The following DMPK variants were observed in gnomAD, a reference collection of about 807,000 sequenced individuals.
The protein encoded by DMPK is myotonin-protein kinase.
Under a neutral mutation model 70.3 loss-of-function variants are expected in DMPK, and 32 were observed. The observed-to-expected ratio is 0.46, with a 90% CI of 0.34 to 0.61. The LOEUF is 0.61. Ranked by LOEUF, DMPK falls within the 20% of genes least tolerant of loss-of-function variation. The pLI is 0.01. For missense variants in DMPK, 899 were observed against 886.0 expected (o/e 1.01, Z -0.19); for synonymous variants, 469 against 390.9 (o/e 1.20, Z -2.36).
chr19:45,779,247 C>A lies in DMPK; in HGVS notation c.432+17G>T, dbSNP rs753636314. On this transcript the variant is annotated intron_variant, in intron 4 of 14. Coordinates refer to ENST00000291270, the MANE Select transcript of DMPK (RefSeq NM_004409.5). The stretch of plus-strand genomic sequence containing the variant: ...GGCTCTTGTCCCTCTTCCTAGTCAC[C>A]CCGGCCCGGAGCTCACCAGGTAGTT... 1.9e-6 allele frequency: 3 copies of A among 1,612,962 alleles called. No homozygotes were observed. In the African/African-American group the frequency reaches 4.0e-5, roughly 22 times the overall value.
At chr19:45,773,165 AC>A (rs1255688564) in intron 9 of DMPK, among the ~76,000 whole-genome samples, 1 of 152,074 alleles carries the variant, frequency 6.6e-6, no homozygotes, top group East Asian at 1.9e-4. Context: ...TGGGCATGGG[AC>A]CCCAAGATGG....
In DMPK at chr19:45,770,236, AGCAGCAGCAGCAGCAGCAG is replaced by A; in HGVS notation, c.*233_*251del. The A allele has an allele frequency of 2.2e-6, 1 of 455,308 alleles. No individual in the cohort carries two copies. Among genetic ancestry groups the A allele is most frequent in the Non-Finnish European group, 3.5e-6 (1 of 284,434 alleles). The allele number at this position is 455,308 out of a possible 1,614,324, so 28.2% of individuals were successfully genotyped here. On this transcript the variant is annotated 3_prime_UTR_variant, in exon 15 of 15. Transcript: ENST00000291270. ...CAGCAGCAGCAGCAGCAGCAGCAGC[AGCAGCAGCAGCAGCAGCAG>A]CAGCAGCAGCATTCCCGGCTACAAG...
intron 1 of DMPK, chr19:45,780,703 G>C: frequency 1.0e-4 from 63 of 629,492 alleles, no homozygotes; most frequent in South Asian, 1.9e-4. Flanking sequence ...GGAAGGAGAG[G>C]AGACAGTGGG....
chr19:45,770,069 C>G lies in DMPK; in HGVS notation c.*419G>C, dbSNP rs561112980. The G allele has an allele frequency of 3.9e-5, 19 of 493,346 alleles. 3 individuals are homozygous for G. The highest frequency in any genetic ancestry group is 7.2e-5 in the Non-Finnish European group (19 of 265,030). 30.6% of individuals were successfully genotyped at this position (493,346 alleles called of 1,614,324 possible). A position where few individuals can be genotyped will look rare whatever the true frequency, so the allele number is the denominator to read the frequency against. On this transcript the variant is annotated 3_prime_UTR_variant, in exon 15 of 15. Coordinates refer to ENST00000291270, the MANE Select transcript of DMPK (RefSeq NM_004409.5). ...ATGCACAAGAAAGCTTTGCACTTTG[C>G]GAACCAACGATAGGTGGGGGTGCGT...
At chr19:45,781,075 C>T (rs1421823621) in intron 1 of DMPK, among the ~76,000 whole-genome samples, 1 of 152,070 alleles carries the variant, frequency 6.6e-6, no homozygotes, top group Non-Finnish European at 1.5e-5. Context: ...CCTTCTTGGC[C>T]TCCACCTTCC....
intron 4 of DMPK, chr19:45,778,972 C>T (rs539758310): frequency 6.9e-6 from 4 of 577,086 alleles, no homozygotes; most frequent in South Asian, 6.4e-5. Flanking sequence ...GCAGTGGCCC[C>T]GTTAGAATTC....
Position 45,769,781 on chromosome 19 carries a change from C to T in DMPK, c.*707G>A, listed in dbSNP as rs538586414. On this transcript the variant is annotated 3_prime_UTR_variant, in exon 15 of 15. Coordinates refer to ENST00000291270, the MANE Select transcript of DMPK (RefSeq NM_004409.5). ...GGTGGGGGTCCTAGGTGGGGACAGA[C>T]AATAAATACCGAGGAATGTCGGGGT... The T allele has an allele frequency of 4.5e-4, 91 of 200,442 alleles. 1 individual carries two copies. The South Asian group carries it at 7.0e-3, about 15-fold the overall frequency. 12.4% of individuals were successfully genotyped at this position (200,442 alleles called of 1,614,324 possible). A position where few individuals can be genotyped will look rare whatever the true frequency, so the allele number is the denominator to read the frequency against.
In DMPK at chr19:45,777,815, G is replaced by T; in HGVS notation, c.734C>A (p.Ala245Asp). The T allele has an allele frequency of 6.2e-7, 1 of 1,612,566 alleles. No individual in the cohort carries two copies. Among genetic ancestry groups the T allele is most frequent in the Middle Eastern group, 1.6e-4 (1 of 6,062 alleles). Residue 245 changes from alanine (A) to aspartate (D), a missense_variant, in exon 7 of 15, where the codon GCT becomes GAT. Around this residue, in one of 3 missense-constraint regions of DMPK, gnomAD observed 195 missense variants for 259.7 expected, o/e 0.75. Transcript: ENST00000291270. This position sits in a 1 kb window ranked among gnomAD's most constrained non-coding sequence, Gnocchi z 6.7. ...GCCTGTCCCAGGCCCACCGCCCACAGCCTGCAGGATCTCGGGGGACAGGTA... is the reference window on the plus strand; with the variant it reads ...GCCTGTCCCAGGCCCACCGCCCACATCCTGCAGGATCTCGGGGGACAGGTA... Reference protein sequence around the residue: ...PDYLSPEILQAVGGGPGTGSY... With the variant: ...PDYLSPEILQDVGGGPGTGSY...
At position 45,779,528 on chromosome 19, in the gene DMPK, G is replaced by A. The variant is rs551017682; in HGVS notation, c.253-6C>T. ...TTCATCTTCACTACCGCTACCTGAG[G>A]TCGAGATAGTGAGACAGAGTGGAGA... On this transcript the variant is annotated splice_polypyrimidine_tract_variant and splice_region_variant and intron_variant, in intron 2 of 14. Coordinates refer to ENST00000291270, the MANE Select transcript of DMPK (RefSeq NM_004409.5). 13 of 1,613,824 alleles carry A rather than the reference G, an allele frequency of 8.1e-6. No homozygotes were observed. Among genetic ancestry groups the A allele is most frequent in the African/African-American group, 2.7e-5 (2 of 75,004 alleles).
At chr19:45,773,972 T>TTC (rs1568576857) in intron 9 of DMPK, among the ~76,000 whole-genome samples, 1 of 148,610 alleles carries the variant, frequency 6.7e-6, no homozygotes, top group Non-Finnish European at 1.5e-5. Flanking sequence ...TTTTTTTTTT[T>TTC]TGAGATGAAG....
Position 45,769,957 on chromosome 19 carries a change from G to GC in DMPK, c.*530_*531insG. 1 of 309,716 alleles carries GC rather than the reference G, an allele frequency of 3.2e-6. No homozygotes were observed. Among genetic ancestry groups the GC allele is most frequent in the Non-Finnish European group, 6.2e-6 (1 of 160,946 alleles). 19.2% of individuals were successfully genotyped at this position (309,716 alleles called of 1,614,324 possible). A position where few individuals can be genotyped will look rare whatever the true frequency, so the allele number is the denominator to read the frequency against. On this transcript the variant is annotated 3_prime_UTR_variant, in exon 15 of 15. Transcript: ENST00000291270. ...AGCGCAAGTGAGGAGGGGGGCGCGG[G>GC]ATCCCCGAAAAAGCGGGTTTGGCAA...
Position 45,777,304 on chromosome 19 carries a change from G to T in DMPK, c.1146+23C>A. On this transcript the variant is annotated intron_variant, in intron 8 of 14. Coordinates refer to ENST00000291270, the MANE Select transcript of DMPK (RefSeq NM_004409.5). The surrounding 1 kb of genome is among the most constrained non-coding windows in gnomAD (Gnocchi z 6.7). ...GGAGCATGGGGAGGTTCCCGCAGCC[G>T]AGCAGGGGCCACAGGTACCTACCCC... The T allele has an allele frequency of 6.5e-7, 1 of 1,540,594 alleles. No individual in the cohort carries two copies. The highest frequency in any genetic ancestry group is 1.3e-5 in the South Asian group (1 of 79,686).
rs748731304 is a variant in DMPK, at chr19:45,779,347, G to A, written c.349C>T (p.Arg117Cys). ...TTCACCAACACGTCCCTCTCCTCACGGAAGCACGACACCTGCAGGGCACCC... is the reference window on the plus strand; with the variant it reads ...TTCACCAACACGTCCCTCTCCTCACAGAAGCACGACACCTGCAGGGCACCC... ...MLKRGEVSCF[R>C]EERDVLVNGD... Residue 117 changes from arginine to cysteine, a missense_variant, in exon 4 of 15, where the codon CGT becomes TGT. Coordinates refer to ENST00000291270, the MANE Select transcript of DMPK (RefSeq NM_004409.5). 2.2e-5 allele frequency: 35 copies of A among 1,613,938 alleles called. No individual in the cohort carries two copies. The highest frequency in any genetic ancestry group is 4.5e-5 in the East Asian group (2 of 44,902).
chr19:45,779,273 C>A lies in DMPK; in HGVS notation c.423G>T (p.Glu141Asp). 3 of 1,613,978 alleles carry A rather than the reference C, an allele frequency of 1.9e-6. No homozygotes were observed. The highest frequency in any genetic ancestry group is 2.5e-6 in the Non-Finnish European group (3 of 1,179,934). ...ITQLHFAFQDENYLYLVMEYY... is the reference protein window; with the variant it reads ...ITQLHFAFQDDNYLYLVMEYY... ...CCGGCCCGGAGCTCACCAGGTAGTT[C>A]TCATCCTGGAAGGCGAAGTGCAGCT... is the stretch of plus-strand genomic sequence containing the variant. Residue 141 changes from glutamate to aspartate, a missense_variant, in exon 4 of 15, where the codon GAG becomes GAT. Physicochemically the swap from Glu to Asp is conservative, Grantham distance 45. Transcript: ENST00000291270.
chr19:45,772,739 G>A lies in DMPK; in HGVS notation c.1246C>T (p.Pro416Ser), dbSNP rs1969541661. 2 of 1,500,296 alleles carry A rather than the reference G, an allele frequency of 1.3e-6. No individual in the cohort carries two copies. The highest frequency in any genetic ancestry group is 1.8e-6 in the Non-Finnish European group (2 of 1,134,990). 92.9% of individuals were successfully genotyped at this position (1,500,296 alleles called of 1,614,324 possible). ...SCMALRDSEV[P>S]GPTPMELEAE... ...TCCAGTTCCATGGGTGTGGGGCCTG[G>A]GACCTCACTGTCCCTGGGGAGAGGA... is the stretch of plus-strand genomic sequence containing the variant. The change falls in exon 10 of 15, where the codon CCA (proline) becomes TCA (serine). Residue 416 changes from proline (P) to serine (S), a missense_variant. Physicochemically the swap from Pro to Ser is moderately conservative, Grantham distance 74. This residue lies in a region of DMPK where 555 missense variants were observed against 483.8 expected (regional missense o/e 1.15). Transcript: ENST00000291270.
chr19:45,770,596 G>T lies in DMPK; in HGVS notation c.1782C>A (p.Phe594Leu). Residue 594 changes from phenylalanine to leucine, a missense_variant, in exon 15 of 15, where the codon TTC becomes TTA. Around this residue, in one of 3 missense-constraint regions of DMPK, gnomAD observed 555 missense variants for 483.8 expected, o/e 1.15. Coordinates refer to ENST00000291270, the MANE Select transcript of DMPK (RefSeq NM_004409.5). ...GLSEALSLLL[F>L]AVVLSRAAAL... ...CGGCGGCACGAGACAGAACAACGGCGAACAGGAGCAGGGAAAGCGCCTCCG... is the reference window on the plus strand; with the variant it reads ...CGGCGGCACGAGACAGAACAACGGCTAACAGGAGCAGGGAAAGCGCCTCCG... 49 of 1,552,868 alleles carry T rather than the reference G, an allele frequency of 3.2e-5. No individual in the cohort carries two copies. The highest frequency in any genetic ancestry group is 4.3e-5 in the Non-Finnish European group (49 of 1,148,220).
chr19:45,770,895 G>C (rs923303672), intron 14 of DMPK, 76 bp downstream of exon 14: 14 of 1,176,680 alleles, frequency 1.2e-5, no homozygotes, highest in Admixed American at 3.2e-5. Flanking sequence ...CCGCAAATGC[G>C]CAGCTAAGCG....
intron 1 of DMPK, 54 bp downstream of exon 1, chr19:45,782,139 G>C: frequency 1.1e-6 from 1 of 884,230 alleles, no homozygotes; most frequent in South Asian, 2.5e-5. Context: ...GCCCAGACCT[G>C]TCTCCTGCCC....
Position 45,779,421 on chromosome 19 carries a change from G to A in DMPK, c.336+18C>T, listed in dbSNP as rs529192626. ...GGCGCGGATCCTCAAAGCCCCCCAC[G>A]TCCGCCCAGCCCCTCACCTCGCCCC... On this transcript the variant is annotated intron_variant, in intron 3 of 14. Transcript: ENST00000291270. 6 of 1,613,782 alleles carry A rather than the reference G, an allele frequency of 3.7e-6. No individual in the cohort carries two copies. Among genetic ancestry groups the A allele is most frequent in the East Asian group, 2.2e-5 (1 of 44,884 alleles).
Sources: allele counts gnomAD v4.1 joint callset (sites outside exome capture counted in the v4.1 genomes callset), GRCh38; gene constraint gnomAD v4.1.1; regional missense constraint gnomAD v4.1.1; non-coding constraint Gnocchi (gnomAD v3.1); transcripts MANE v1.5; gene names NCBI Gene and HGNC (gene_info 2026-07-23, HGNC 2026-07-21).